ARHGAP18: variants seen among roughly 807,000 people sequenced by gnomAD.
The protein encoded by ARHGAP18 is rho GTPase-activating protein 18.
A neutral mutation model predicts 86.2 loss-of-function variants in ARHGAP18; 67 were observed. That is an observed-to-expected ratio of 0.78 (90% CI 0.64 to 0.95). The LOEUF is 0.95. ARHGAP18 is among the 40% of genes least tolerant of loss of function. ARHGAP18 has a pLI of 0.00. For synonymous variants in ARHGAP18, 283 were observed against 280.4 expected, an observed-to-expected ratio of 1.01 and a Z score of -0.09; for missense variants, 691 against 780.4, an observed-to-expected ratio of 0.89 and a Z score of 1.37.
intron 1 of ARHGAP18, among the ~76,000 whole-genome samples, chr6:129,668,885 C>T (rs1365159393): frequency 6.6e-6 from 1 of 152,212 alleles, no homozygotes; most frequent in Non-Finnish European, 1.5e-5. Context: ...AGTCCAACAA[C>T]CTTGCTGCTG....
chr6:129,707,610 C>A (rs977921729), intron 1 of ARHGAP18, among the ~76,000 whole-genome samples: 1 of 151,282 alleles, frequency 6.6e-6, no homozygotes, highest in Non-Finnish European at 1.5e-5. Context: ...GCTGGGACCA[C>A]GGGCATGCAC....
At chr6:129,587,984 C>T (rs61140488) in intron 12 of ARHGAP18, among the ~76,000 whole-genome samples, 21,590 of 152,156 alleles carry the variant, frequency 0.14, 1,636 homozygotes, top group East Asian at 0.3. Context: ...AAATCAAAAT[C>T]AAGTTAGTTA....
chr6:129,670,712 TC>T (rs1271702137), intron 1 of ARHGAP18, among the ~76,000 whole-genome samples: 1 of 129,112 alleles, frequency 7.7e-6, no homozygotes, highest in Non-Finnish European at 1.7e-5. Flanking sequence ...TTTTACTGCC[TC>T]CCCCCACCAA....
chr6:129,641,391 AAC>A (rs1391651560), intron 2 of ARHGAP18, among the ~76,000 whole-genome samples: 1 of 152,222 alleles, frequency 6.6e-6, no homozygotes, highest in Non-Finnish European at 1.5e-5. Context: ...AAATCAATAA[AAC>A]AAAGATCAAA....
chr6:129,601,332 G>A (rs1471214549), intron 10 of ARHGAP18, among the ~76,000 whole-genome samples: 1 of 152,100 alleles, frequency 6.6e-6, no homozygotes, highest in East Asian at 1.9e-4. Flanking sequence ...CCAGGCACTG[G>A]GTATGGTGGT....
chr6:129,579,129 G>A (rs187161977), intron 14 of ARHGAP18, among the ~76,000 whole-genome samples: 52 of 152,214 alleles, frequency 3.4e-4, no homozygotes, highest in African/African-American at 1.1e-3. Flanking sequence ...TTGTATGATA[G>A]GCTTTTAAAT....
chr6:129,681,949 G>A (rs942807982), intron 1 of ARHGAP18, among the ~76,000 whole-genome samples: 2 of 152,162 alleles, frequency 1.3e-5, no homozygotes, highest in African/African-American at 4.8e-5. Context: ...ATCTCATCAA[G>A]TAATGTCCTT....
At chr6:129,672,545 A>G (rs1774158392) in intron 1 of ARHGAP18, among the ~76,000 whole-genome samples, 1 of 152,210 alleles carries the variant, frequency 6.6e-6, no homozygotes, top group Non-Finnish European at 1.5e-5. Context: ...CCATATCTAC[A>G]CAGGCTTGCA....
chr6:129,576,772 C>A lies in ARHGAP18; in HGVS notation c.*1741G>T, dbSNP rs961475226. 1 of 151,972 alleles carries A rather than the reference C, an allele frequency of 6.6e-6. No homozygotes were observed. The highest frequency in any genetic ancestry group is 1.5e-5 in the Non-Finnish European group (1 of 67,996). 9.4% of individuals were successfully genotyped at this position (151,972 alleles called of 1,614,324 possible). A position where few individuals can be genotyped will look rare whatever the true frequency, so the allele number is the denominator to read the frequency against. On this transcript the variant is annotated 3_prime_UTR_variant, in exon 15 of 15. Coordinates refer to ENST00000368149, the MANE Select transcript of ARHGAP18 (RefSeq NM_033515.3). ...GTATACTCCTAAAATGTTTTAAGCA[C>A]TTAATTTTTCTTTTATATTATTAAT...
chr6:129,601,741 C>T (rs1453715113), intron 10 of ARHGAP18, among the ~76,000 whole-genome samples: 1 of 151,726 alleles, frequency 6.6e-6, no homozygotes, highest in Admixed American at 6.6e-5. Context: ...ATCCTCCTGC[C>T]TCAGTCTCCA....
chr6:129,685,110 C>G (rs752388474), intron 1 of ARHGAP18, among the ~76,000 whole-genome samples: 1 of 152,182 alleles, frequency 6.6e-6, no homozygotes, highest in Non-Finnish European at 1.5e-5. Context: ...AGCAGCTCCA[C>G]CACATTCCTA....
chr6:129,596,506 C>G (rs527602751), intron 12 of ARHGAP18, among the ~76,000 whole-genome samples: 1 of 152,134 alleles, frequency 6.6e-6, no homozygotes, highest in Admixed American at 6.5e-5. Context: ...AAATCACATA[C>G]TAACACATTA....
At chr6:129,583,519 C>T (rs775395925) in intron 13 of ARHGAP18, among the ~76,000 whole-genome samples, 27 of 152,152 alleles carry the variant, frequency 1.8e-4, no homozygotes, top group Admixed American at 3.3e-4. Flanking sequence ...TGGTTTTCCT[C>T]TTTCAATTCT....
At chr6:129,684,823 C>T (rs1774399123) in intron 1 of ARHGAP18, among the ~76,000 whole-genome samples, 1 of 152,162 alleles carries the variant, frequency 6.6e-6, no homozygotes, top group Non-Finnish European at 1.5e-5. Context: ...AACCCGAAGC[C>T]TAATACTACC....
chr6:129,683,319 A>G (rs1027040077), intron 1 of ARHGAP18, among the ~76,000 whole-genome samples: 1 of 151,284 alleles, frequency 6.6e-6, no homozygotes, highest in Non-Finnish European at 1.5e-5. Flanking sequence ...GATCTGCCCA[A>G]TTCAGCCTCC....
intron 1 of ARHGAP18, among the ~76,000 whole-genome samples, chr6:129,708,199 C>A (rs57612076): frequency 6.6e-6 from 1 of 152,168 alleles, no homozygotes; most frequent in Non-Finnish European, 1.5e-5. Context: ...AAACCAGGCT[C>A]CCATCTTCTC....
At chr6:129,635,568 G>A (rs1234952628) in intron 3 of ARHGAP18, among the ~76,000 whole-genome samples, 1 of 152,208 alleles carries the variant, frequency 6.6e-6, no homozygotes, top group Non-Finnish European at 1.5e-5. Flanking sequence ...CATGTGGTCG[G>A]AATTATTTTC....
At position 129,664,946 on chromosome 6, in the gene ARHGAP18, G is replaced by A. The variant is rs186529123; in HGVS notation, c.114-22928C>T. Among the ~76,000 whole-genome samples the A allele has an allele frequency of 3.3e-5, 5 of 152,270 alleles. No individual in the cohort carries two copies. In the East Asian group the frequency reaches 5.8e-4, roughly 18 times the overall value. On this transcript the variant is annotated intron_variant, in intron 1 of 14. Coordinates refer to ENST00000368149, the MANE Select transcript of ARHGAP18 (RefSeq NM_033515.3). The stretch of plus-strand genomic sequence containing the variant: ...GAATGAAATGGGGGAAGGGGATAGC[G>A]GGCAGGGAGTTTCAGCCATGCAGAT...
intron 8 of ARHGAP18, among the ~76,000 whole-genome samples, chr6:129,609,815 A>G (rs953303162): frequency 2.0e-5 from 3 of 152,150 alleles, no homozygotes; most frequent in African/African-American, 7.2e-5. Context: ...GAATCCTATT[A>G]AAATGAGATC....
Sources: gnomAD v4.1 joint callset for allele counts (sites outside exome capture counted in the v4.1 genomes callset) on GRCh38, gnomAD v4.1.1 for gene constraint, MANE v1.5 for transcripts, NCBI Gene and HGNC (gene_info 2026-07-23, HGNC 2026-07-21) for gene names.